The following CDC42BPA variants were observed in gnomAD, a reference collection of about 807,000 sequenced individuals.
CDC42BPA encodes serine/threonine-protein kinase MRCK alpha.
A neutral mutation model predicts 223.5 loss-of-function variants in CDC42BPA; 80 were observed. The observed-to-expected ratio is 0.36, with a 90% CI of 0.30 to 0.43. The LOEUF is 0.43. Ranked by LOEUF, CDC42BPA falls within the 20% of genes least tolerant of loss-of-function variation. The pLI is 1.00. For synonymous variants in CDC42BPA, 694 were observed against 718.6 expected (o/e 0.97, Z 0.55); for missense variants, 1,743 against 2,099.9 (o/e 0.83, Z 3.32).
intron 6 of CDC42BPA, among the ~76,000 whole-genome samples, chr1:227,148,224 G>A (rs1172419016): frequency 6.6e-6 from 1 of 152,160 alleles, no homozygotes; most frequent in Admixed American, 6.5e-5. Context: ...GGAAGCCAAT[G>A]TGGGAGAATC....
intron 14 of CDC42BPA, among the ~76,000 whole-genome samples, chr1:227,109,569 T>C (rs1384593489): frequency 6.6e-6 from 1 of 152,126 alleles, no homozygotes; most frequent in Non-Finnish European, 1.5e-5. Flanking sequence ...TTTCACTATG[T>C]TGGCCAGGCT....
At chr1:227,026,615 A>G (rs1051659937) in intron 30 of CDC42BPA, among the ~76,000 whole-genome samples, 6 of 152,262 alleles carry the variant, frequency 3.9e-5, no homozygotes, top group African/African-American at 1.2e-4. Context: ...ACTTGTTGAA[A>G]GAATGAATAT....
chr1:227,073,819 C>A, intron 19 of CDC42BPA, 45 bp downstream of exon 19: 1 of 1,414,516 alleles, frequency 7.1e-7, no homozygotes, highest in South Asian at 1.4e-5. Context: ...ATAATTATGA[C>A]AAACTTAGAA....
intron 11 of CDC42BPA, among the ~76,000 whole-genome samples, chr1:227,121,960 C>A (rs1036903943): frequency 6.6e-6 from 1 of 152,002 alleles, no homozygotes; most frequent in Non-Finnish European, 1.5e-5. Flanking sequence ...GCCACCACGT[C>A]TGGCTAATTC....
chr1:227,136,565 A>G (rs1233357955), intron 10 of CDC42BPA, among the ~76,000 whole-genome samples: 1 of 152,240 alleles, frequency 6.6e-6, no homozygotes, highest in Non-Finnish European at 1.5e-5. Context: ...TTTTCTGTTC[A>G]CATAAAGAAA....
At chr1:227,159,819 C>T (rs925828428) in intron 6 of CDC42BPA, among the ~76,000 whole-genome samples, 1 of 152,042 alleles carries the variant, frequency 6.6e-6, no homozygotes, top group Non-Finnish European at 1.5e-5. Context: ...AGCCACCATG[C>T]CCAGCCTTTT....
Position 226,994,240 on chromosome 1 carries a change from G to A in CDC42BPA, c.*28C>T. 6.4e-7 allele frequency: 1 copy of A among 1,553,076 alleles called. No individual in the cohort carries two copies. The highest frequency in any genetic ancestry group is 2.4e-5 in the East Asian group (1 of 41,206). On this transcript the variant is annotated 3_prime_UTR_variant, in exon 37 of 37. Transcript: ENST00000366766. The surrounding 1 kb of genome is among the most constrained non-coding windows in gnomAD (Gnocchi z 4.0). The stretch of plus-strand genomic sequence containing the variant: ...GAGGAGGCGAGTGGCAGGGAGCGGA[G>A]AGCGAGAGGTCCCAGTGCTGAGGCA...
chr1:227,239,436 T>C (rs1262336660), intron 2 of CDC42BPA, among the ~76,000 whole-genome samples: 2 of 152,194 alleles, frequency 1.3e-5, no homozygotes, highest in Admixed American at 1.3e-4. Context: ...AATAATAATA[T>C]GTCAATGTAG....
At chr1:227,010,452 G>C (rs1023795305) in intron 34 of CDC42BPA, among the ~76,000 whole-genome samples, 1 of 152,134 alleles carries the variant, frequency 6.6e-6, no homozygotes, top group Non-Finnish European at 1.5e-5. Context: ...TTCTACCACA[G>C]ACTTTAACCT....
chr1:227,035,534 T>C lies in CDC42BPA; in HGVS notation c.3273A>G (p.Thr1091=). 1 of 1,612,008 alleles carries C rather than the reference T, an allele frequency of 6.2e-7. No individual in the cohort carries two copies. The highest frequency in any genetic ancestry group is 1.3e-5 in the African/African-American group (1 of 74,972). Residue 1091 remains threonine (T), a synonymous_variant, in exon 25 of 37, where the codon ACA becomes ACG. Coordinates refer to ENST00000366766, the MANE Select transcript of CDC42BPA (RefSeq NM_001394014.1). Reference sequence around the variant, plus strand: ...GAGGATCTATACCCAGGGGACCTTTTGTCTGTTCAGGAGGAACTGGACAAG... The same window carrying C: ...GAGGATCTATACCCAGGGGACCTTTCGTCTGTTCAGGAGGAACTGGACAAG... ...PTTCPVPPEQ[T]KGPLGIDPQK...
At chr1:227,044,804 T>C (rs2148808951) in intron 23 of CDC42BPA, among the ~76,000 whole-genome samples, 1 of 152,318 alleles carries the variant, frequency 6.6e-6, no homozygotes, top group South Asian at 2.1e-4. Flanking sequence ...CATTATTCAC[T>C]AATAAGAAGT....
At chr1:227,056,721 C>A (rs1674648293) in intron 21 of CDC42BPA, among the ~76,000 whole-genome samples, 1 of 152,124 alleles carries the variant, frequency 6.6e-6, no homozygotes, top group African/African-American at 2.4e-5. Flanking sequence ...TTTCTTTATC[C>A]TCTAGCTAGA....
chr1:227,135,851 CT>C (rs1658403204), intron 10 of CDC42BPA, among the ~76,000 whole-genome samples: 1 of 64,914 alleles, frequency 1.5e-5, no homozygotes, highest in Non-Finnish European at 2.9e-5. Flanking sequence ...GAGACTCTGT[CT>C]CCCAAAAAAA....
chr1:227,215,517 AC>A (rs1265366452), intron 2 of CDC42BPA, among the ~76,000 whole-genome samples: 1 of 152,174 alleles, frequency 6.6e-6, no homozygotes, highest in East Asian at 1.9e-4. Flanking sequence ...TTGTGGTGTA[AC>A]TGATCAGGGA....
intron 21 of CDC42BPA, among the ~76,000 whole-genome samples, chr1:227,052,462 G>GT (rs1183616124): frequency 6.6e-6 from 1 of 152,138 alleles, no homozygotes; most frequent in Non-Finnish European, 1.5e-5. Flanking sequence ...GGACACTAAA[G>GT]TAAGTCTTCC....
rs1656133120 is a variant in CDC42BPA at position 227,127,723 on chromosome 1, A to T, written c.1513+1386T>A. On this transcript the variant is annotated intron_variant, in intron 11 of 36. Transcript: ENST00000366766. The stretch of plus-strand genomic sequence containing the variant: ...AAAGTAACAGAGATTAGATATATAG[A>T]TATTTCTTAGGAGGAGAGCCTCTTA... 3.3e-5 allele frequency among the ~76,000 whole-genome samples: 5 copies of T among 152,214 alleles called. No homozygotes were observed. In the South Asian group the frequency reaches 1.0e-3, roughly 32 times the overall value.
chr1:227,288,257 C>T (rs1241843815), intron 1 of CDC42BPA, among the ~76,000 whole-genome samples: 3 of 152,000 alleles, frequency 2.0e-5, no homozygotes, highest in South Asian at 2.1e-4. Context: ...TAAAAGCAAT[C>T]AGAAGTGAAT....
intron 2 of CDC42BPA, among the ~76,000 whole-genome samples, chr1:227,244,255 A>G (rs974608409): frequency 6.6e-6 from 1 of 152,218 alleles, no homozygotes; most frequent in African/African-American, 2.4e-5. Context: ...ATAATGGCCA[A>G]AAACCATAAA....
intron 15 of CDC42BPA, among the ~76,000 whole-genome samples, chr1:227,097,540 C>T (rs548314253): frequency 6.6e-6 from 1 of 152,082 alleles, no homozygotes; most frequent in Non-Finnish European, 1.5e-5. Flanking sequence ...GTTAAACTGT[C>T]TCTCTAAAAT....
Sources: gnomAD v4.1 joint callset for allele counts (sites outside exome capture counted in the v4.1 genomes callset) on GRCh38, gnomAD v4.1.1 for gene constraint, Gnocchi (gnomAD v3.1) non-coding constraint, MANE v1.5 for transcripts, NCBI Gene and HGNC (gene_info 2026-07-23, HGNC 2026-07-21) for gene names.